DYM: variants seen among roughly 807,000 people sequenced by gnomAD.
The protein encoded by DYM is dymeclin, also known as dyggve-Melchior-Clausen syndrome protein.
A neutral mutation model predicts 93.1 loss-of-function variants in DYM; 78 were observed. That is an observed-to-expected ratio of 0.84 (90% CI 0.70 to 1.01). The LOEUF is 1.01. DYM is among the 50% of genes least tolerant of loss of function. The probability of loss-of-function intolerance (pLI) is 0.00; values close to 1 mark genes in which losing one functional copy is unlikely to be tolerated. For missense variants in DYM, 789 were observed against 845.0 expected, an observed-to-expected ratio of 0.93 and a Z score of 0.82; for synonymous variants, 321 against 319.7, an observed-to-expected ratio of 1.00 and a Z score of -0.04.
intron 17 of DYM, among the ~76,000 whole-genome samples, chr18:49,081,343 A>G (rs1171294138): frequency 1.3e-5 from 2 of 151,742 alleles, no homozygotes; most frequent in Non-Finnish European, 2.9e-5. Flanking sequence ...CTCCACCAAA[A>G]AAGTACGAAA....
chr18:49,159,248 A>G (rs1210611241), intron 15 of DYM, among the ~76,000 whole-genome samples: 3 of 152,222 alleles, frequency 2.0e-5, no homozygotes, highest in African/African-American at 7.2e-5. Context: ...GTTAAAGAGT[A>G]AACACCACAC....
chr18:49,051,433 C>T (rs1476026567), intron 17 of DYM, among the ~76,000 whole-genome samples: 1 of 152,158 alleles, frequency 6.6e-6, no homozygotes. Flanking sequence ...TGAGCTCCTT[C>T]CAATTCTGAC....
At chr18:49,444,855 G>A (rs1309554947) in intron 1 of DYM, among the ~76,000 whole-genome samples, 1 of 152,142 alleles carries the variant, frequency 6.6e-6, no homozygotes, top group Admixed American at 6.5e-5. Context: ...ACTATTAGCA[G>A]TATTTGGCAG....
Position 49,219,230 on chromosome 18 carries a change from C to T in DYM, c.1461-9515G>A, listed in dbSNP as rs1299339730. On this transcript the variant is annotated intron_variant, in intron 13 of 17. Transcript: ENST00000675505. ...GGAAGAAGCTGAATCTCTGAATAGACCAATAACAGGATCTGAAATTGTGGC... is the reference window on the plus strand; with the variant it reads ...GGAAGAAGCTGAATCTCTGAATAGATCAATAACAGGATCTGAAATTGTGGC... Among the ~76,000 whole-genome samples, 6 of 152,146 alleles carry T rather than the reference C, an allele frequency of 3.9e-5. No individual in the cohort carries two copies. The East Asian group carries it at 1.2e-3, about 29-fold the overall frequency.
At chr18:49,456,046 T>C (rs890036555) in intron 1 of DYM, among the ~76,000 whole-genome samples, 13 of 152,196 alleles carry the variant, frequency 8.5e-5, no homozygotes, top group Admixed American at 2.6e-4. Flanking sequence ...CATATTCCTG[T>C]TCAACTAAGA....
chr18:49,294,135 G>A (rs1214265911), intron 8 of DYM, among the ~76,000 whole-genome samples: 1 of 152,146 alleles, frequency 6.6e-6, no homozygotes, highest in Non-Finnish European at 1.5e-5. Context: ...TAAATGTGTG[G>A]TGTTATTTCT....
At chr18:49,294,655 A>C (rs1231134480) in intron 8 of DYM, among the ~76,000 whole-genome samples, 1 of 152,218 alleles carries the variant, frequency 6.6e-6, no homozygotes, top group African/African-American at 2.4e-5. Context: ...CAAATGCTTG[A>C]TAAATTTATC....
chr18:49,372,003 T>G (rs1379832812), intron 5 of DYM, among the ~76,000 whole-genome samples: 2 of 152,144 alleles, frequency 1.3e-5, no homozygotes, highest in African/African-American at 4.8e-5. Flanking sequence ...AAGAAAAAAA[T>G]GCTGTATGTG....
At chr18:49,291,263 C>T (rs1157642106) in intron 8 of DYM, among the ~76,000 whole-genome samples, 2 of 152,214 alleles carry the variant, frequency 1.3e-5, no homozygotes, top group East Asian at 1.9e-4. Flanking sequence ...CGAACTAACA[C>T]AGGCAGATAC....
At chr18:49,458,232 T>G (rs1038701149) in intron 1 of DYM, among the ~76,000 whole-genome samples, 2 of 152,154 alleles carry the variant, frequency 1.3e-5, no homozygotes, top group African/African-American at 4.8e-5. Context: ...GTACATGTTG[T>G]AACATATTTC....
intron 8 of DYM, among the ~76,000 whole-genome samples, chr18:49,324,714 T>C (rs2062764739): frequency 6.6e-6 from 1 of 152,254 alleles, no homozygotes; most frequent in South Asian, 2.1e-4. Flanking sequence ...TTCTGATCAT[T>C]AGCTGTTGTT....
intron 3 of DYM, chr18:49,390,865 T>G (rs1014865712): frequency 5.2e-4 from 79 of 153,324 alleles, no homozygotes; most frequent in African/African-American, 1.9e-3. Context: ...GTACCCTAGG[T>G]ATTTCACAGA....
chr18:49,249,761 C>T (rs777876225), intron 13 of DYM, among the ~76,000 whole-genome samples: 3 of 152,132 alleles, frequency 2.0e-5, no homozygotes, highest in Non-Finnish European at 4.4e-5. Flanking sequence ...GACTACTACA[C>T]GGAAGTTGCA....
intron 8 of DYM, among the ~76,000 whole-genome samples, chr18:49,290,620 A>G (rs1222868892): frequency 6.6e-6 from 1 of 152,108 alleles, no homozygotes; most frequent in Non-Finnish European, 1.5e-5. Flanking sequence ...GAAATCACTA[A>G]GTGAAAAAGG....
chr18:49,203,375 G>C (rs1254117616), intron 14 of DYM, among the ~76,000 whole-genome samples: 4 of 132,560 alleles, frequency 3.0e-5, no homozygotes, highest in South Asian at 2.6e-4. Flanking sequence ...CATTGAGAAC[G>C]GGCCAGGATG....
intron 2 of DYM, among the ~76,000 whole-genome samples, chr18:49,407,075 G>C (rs1314979349): frequency 6.6e-6 from 1 of 152,156 alleles, no homozygotes; most frequent in Non-Finnish European, 1.5e-5. Context: ...ACTATGCTGA[G>C]TGAAAGAAAA....
intron 8 of DYM, among the ~76,000 whole-genome samples, chr18:49,316,098 A>G (rs1254159031): frequency 6.6e-6 from 1 of 152,208 alleles, no homozygotes; most frequent in Non-Finnish European, 1.5e-5. Context: ...CCTGGCCAAC[A>G]CAGTGAAATC....
chr18:49,038,820 A>G lies in DYM; in HGVS notation c.*5235T>C, dbSNP rs1263120002. Among the ~76,000 whole-genome samples the G allele has an allele frequency of 1.3e-5, 2 of 152,246 alleles. No homozygotes were observed. The highest frequency in any genetic ancestry group is 2.9e-5 in the Non-Finnish European group (2 of 68,040). ...ATATCTCAAATATTATCATGCATAC[A>G]TGAGTTATCAAAGACTAATATTAAA... is the stretch of plus-strand genomic sequence containing the variant. On this transcript the variant is annotated 3_prime_UTR_variant, in exon 18 of 18. Coordinates refer to ENST00000675505, the MANE Select transcript of DYM (RefSeq NM_001353214.3).
chr18:49,434,016 C>A (rs1313128083), intron 1 of DYM, among the ~76,000 whole-genome samples: 1 of 152,112 alleles, frequency 6.6e-6, no homozygotes, highest in East Asian at 1.9e-4. Flanking sequence ...TTGAGACCAG[C>A]CTGACCAATA....
Sources: allele counts gnomAD v4.1 joint callset (sites outside exome capture counted in the v4.1 genomes callset), GRCh38; gene constraint gnomAD v4.1.1; transcripts MANE v1.5; gene names NCBI Gene and HGNC (gene_info 2026-07-23, HGNC 2026-07-21).